Variants in PRKN observed in about 807,000 individuals in gnomAD.
The protein encoded by PRKN is E3 ubiquitin-protein ligase parkin.
PRKN carries 56 observed loss-of-function variants against 59.5 expected under a neutral mutation model. The ratio of observed to expected loss-of-function variants is 0.94; its 90% CI spans 0.76 to 1.18. The LOEUF is 1.18. PRKN is among the 50% of genes most tolerant of loss of function. PRKN has a pLI of 0.00. For synonymous variants in PRKN, 250 were observed against 222.1 expected (o/e 1.13, Z -1.12); for missense variants, 657 against 596.4 (o/e 1.10, Z -1.06).
intron 6 of PRKN, among the ~76,000 whole-genome samples, chr6:161,928,175 G>T (rs1003232361): frequency 6.6e-6 from 1 of 152,336 alleles, no homozygotes; most frequent in Non-Finnish European, 1.5e-5. Flanking sequence ...GCCTGACCTT[G>T]CTGGCACCCT....
intron 5 of PRKN, among the ~76,000 whole-genome samples, chr6:162,051,359 G>T (rs1777637046): frequency 6.6e-6 from 1 of 152,166 alleles, no homozygotes; most frequent in Non-Finnish European, 1.5e-5. Context: ...AATGTGTGAA[G>T]AAGCTTCATT....
At chr6:161,788,587 G>T (rs3019435) in intron 6 of PRKN, among the ~76,000 whole-genome samples, 123,031 of 152,094 alleles carry the variant, frequency 0.81, 52,079 homozygotes, top group East Asian at 0.95. Context: ...TGTCTACCTT[G>T]AATAAAAAAT....
intron 6 of PRKN, among the ~76,000 whole-genome samples, chr6:161,939,948 G>T (rs369254250): frequency 6.6e-6 from 1 of 151,694 alleles, no homozygotes; most frequent in Non-Finnish European, 1.5e-5. Flanking sequence ...GCCCAGGCTG[G>T]AGTGCGATGG....
chr6:161,607,027 C>T (rs570543394), intron 7 of PRKN, among the ~76,000 whole-genome samples: 3 of 152,268 alleles, frequency 2.0e-5, no homozygotes, highest in Admixed American at 6.5e-5. Flanking sequence ...GGTGATAGCT[C>T]AACCCCTTTG....
At position 161,593,062 on chromosome 6, in the gene PRKN, C is replaced by T. The variant is rs76646621; in HGVS notation, c.872-23646G>A. Among the ~76,000 whole-genome samples, 667 of 152,330 alleles carry T rather than the reference C, an allele frequency of 4.4e-3. 14 individuals carry two copies. Among genetic ancestry groups the T allele is most frequent in the East Asian group, 0.041 (215 of 5,190 alleles). ...GCACAGAGCGTCCTCAGATGCGCTGCACCCCACGTCCGCTGCTGTTAACAT... is the reference window on the plus strand; with the variant it reads ...GCACAGAGCGTCCTCAGATGCGCTGTACCCCACGTCCGCTGCTGTTAACAT... On this transcript the variant is annotated intron_variant, in intron 7 of 11. Coordinates refer to ENST00000366898, the MANE Select transcript of PRKN (RefSeq NM_004562.3). This position sits in a 1 kb window ranked among gnomAD's most constrained non-coding sequence, Gnocchi z 4.8.
At chr6:161,893,361 T>C (rs1323671640) in intron 6 of PRKN, among the ~76,000 whole-genome samples, 1 of 152,210 alleles carries the variant, frequency 6.6e-6, no homozygotes, top group African/African-American at 2.4e-5. Context: ...TGAGGAGGGC[T>C]GGTTATCTGT....
At chr6:162,705,715 C>G (rs1265806745) in intron 1 of PRKN, among the ~76,000 whole-genome samples, 4 of 152,076 alleles carry the variant, frequency 2.6e-5, no homozygotes, top group African/African-American at 9.7e-5. Context: ...TTTTCTTGGC[C>G]AGGGAGAATT....
At chr6:161,810,950 CGTCT>C (rs1259068881) in intron 6 of PRKN, among the ~76,000 whole-genome samples, 2 of 151,872 alleles carry the variant, frequency 1.3e-5, no homozygotes, top group African/African-American at 2.4e-5. Flanking sequence ...GGCAGGGGTT[CGTCT>C]GATGGGGAAG....
At chr6:162,385,286 C>T (rs527534723) in intron 2 of PRKN, among the ~76,000 whole-genome samples, 64 of 152,202 alleles carry the variant, frequency 4.2e-4, no homozygotes, top group Non-Finnish European at 7.9e-4. Context: ...ATCTGCAACC[C>T]CTGTACGCCC....
intron 3 of PRKN, among the ~76,000 whole-genome samples, chr6:162,241,618 C>G (rs1021918057): frequency 3.9e-5 from 6 of 152,046 alleles, no homozygotes; most frequent in Non-Finnish European, 5.9e-5. Context: ...TTTCCCTATC[C>G]TAAATGAAAG....
intron 1 of PRKN, among the ~76,000 whole-genome samples, chr6:162,623,433 G>C (rs1370150640): frequency 3.3e-5 from 5 of 152,118 alleles, no homozygotes; most frequent in African/African-American, 1.2e-4. Flanking sequence ...TGAGCTTTCT[G>C]ACACTAAATA....
At chr6:162,525,306 C>T (rs1198553772) in intron 1 of PRKN, among the ~76,000 whole-genome samples, 1 of 152,158 alleles carries the variant, frequency 6.6e-6, no homozygotes, top group East Asian at 1.9e-4. Context: ...CAGCTGCTGT[C>T]CCCTGGGTTC....
chr6:162,401,300 A>G (rs913274124), intron 2 of PRKN, among the ~76,000 whole-genome samples: 37 of 144,168 alleles, frequency 2.6e-4, no homozygotes, highest in African/African-American at 7.9e-4. Flanking sequence ...CTTCACTGGG[A>G]AAAAAAAAAA....
rs556926493 is a variant in PRKN at position 162,158,695 on chromosome 6, G to A, written c.534+42436C>T. ...ATCCGCCCGCCTTGGCCTTCCAAAGGGCTGGGATTACAGGTGTAAGCCACC... is the reference window on the plus strand; with the variant it reads ...ATCCGCCCGCCTTGGCCTTCCAAAGAGCTGGGATTACAGGTGTAAGCCACC... On this transcript the variant is annotated intron_variant, in intron 4 of 11. Coordinates refer to ENST00000366898, the MANE Select transcript of PRKN (RefSeq NM_004562.3). Among the ~76,000 whole-genome samples, 28 of 151,946 alleles carry A rather than the reference G, an allele frequency of 1.8e-4. 1 individual carries two copies. The highest frequency in any genetic ancestry group is 6.3e-4 in the African/African-American group (26 of 41,320).
intron 1 of PRKN, among the ~76,000 whole-genome samples, chr6:162,594,011 G>A (rs976592675): frequency 3.3e-5 from 5 of 152,120 alleles, no homozygotes; most frequent in Admixed American, 6.5e-5. Context: ...TTAGCCTAGC[G>A]TGGTGGCGTG....
rs1465630425 is a variant in PRKN at position 161,413,522 on chromosome 6, C to T, written c.1084-26645G>A. Among the ~76,000 whole-genome samples the T allele has an allele frequency of 6.6e-5, 10 of 152,132 alleles. No individual in the cohort carries two copies. Among genetic ancestry groups the T allele is most frequent in the Non-Finnish European group, 4.4e-5 (3 of 68,040 alleles). On this transcript the variant is annotated intron_variant, in intron 9 of 11. Transcript: ENST00000366898. This position sits in a 1 kb window ranked among gnomAD's most constrained non-coding sequence, Gnocchi z 4.4. Reference sequence around the variant, plus strand: ...TGCAGTGAGAACTGGGGGAGAAGGCCGGAACCTGGCGGGCTCATGTGGGCA... The same window carrying T: ...TGCAGTGAGAACTGGGGGAGAAGGCTGGAACCTGGCGGGCTCATGTGGGCA...
chr6:162,025,063 T>C (rs1246642722), intron 5 of PRKN, among the ~76,000 whole-genome samples: 3 of 149,028 alleles, frequency 2.0e-5, no homozygotes, highest in Admixed American at 6.7e-5. Context: ...TCGCCCAGCC[T>C]GGAGTGCAGT....
chr6:162,572,927 T>C (rs1204099280), intron 1 of PRKN, among the ~76,000 whole-genome samples: 34 of 152,286 alleles, frequency 2.2e-4, no homozygotes, highest in Non-Finnish European at 1.5e-5. Context: ...ATTTTTAATA[T>C]CTGTGTGTCA....
In PRKN at chr6:161,551,253, C is replaced by T. The variant is rs1780006645; in HGVS notation, c.934-2250G>A. ...CTTCATACATAACCCTTGCCCACAG[C>T]ACAGCCCCAAATGCCAAGGAAGGAC... On this transcript the variant is annotated intron_variant, in intron 8 of 11. Coordinates refer to ENST00000366898, the MANE Select transcript of PRKN (RefSeq NM_004562.3). The surrounding 1 kb of genome is among the most constrained non-coding windows in gnomAD (Gnocchi z 5.2). 1.3e-5 allele frequency among the ~76,000 whole-genome samples: 2 copies of T among 152,190 alleles called. No homozygotes were observed. The highest frequency in any genetic ancestry group is 1.5e-5 in the Non-Finnish European group (1 of 68,038).
Sources: gnomAD v4.1 joint callset for allele counts (sites outside exome capture counted in the v4.1 genomes callset) on GRCh38, gnomAD v4.1.1 for gene constraint, Gnocchi (gnomAD v3.1) non-coding constraint, MANE v1.5 for transcripts, NCBI Gene and HGNC (gene_info 2026-07-23, HGNC 2026-07-21) for gene names.